The following LRRC4C variants were observed in gnomAD, a reference collection of about 807,000 sequenced individuals.
The protein encoded by LRRC4C is leucine rich repeat containing 4C.
Under a neutral mutation model 33.6 loss-of-function variants are expected in LRRC4C, and 5 were observed. The observed-to-expected ratio is 0.15, with a 90% CI of 0.08 to 0.31. The LOEUF (loss-of-function observed/expected upper bound fraction) is 0.31, where lower values mean the gene tolerates loss of function less well. Ranked by LOEUF, LRRC4C falls within the 10% of genes least tolerant of loss-of-function variation. The pLI is 1.00. For synonymous variants in LRRC4C, 329 were observed against 302.0 expected (o/e 1.09, Z -0.93); for missense variants, 560 against 796.7 (o/e 0.70, Z 3.58).
intron 1 of LRRC4C, among the ~76,000 whole-genome samples, chr11:41,119,925 CA>C (rs1175510363): frequency 6.6e-6 from 1 of 152,110 alleles, no homozygotes; most frequent in African/African-American, 2.4e-5. Context: ...TAGGATTACA[CA>C]GAAACTTTTA....
intron 3 of LRRC4C, among the ~76,000 whole-genome samples, chr11:40,434,992 A>G (rs999251630): frequency 2.0e-5 from 3 of 152,172 alleles, no homozygotes; most frequent in Non-Finnish European, 2.9e-5. Context: ...TGCTGAAAAA[A>G]AATCAACATA....
intron 2 of LRRC4C, among the ~76,000 whole-genome samples, chr11:40,905,105 C>T (rs1024290202): frequency 7.9e-5 from 12 of 152,126 alleles, no homozygotes; most frequent in African/African-American, 2.9e-4. Context: ...TATAGACATC[C>T]TCTCCAGCAG....
intron 3 of LRRC4C, among the ~76,000 whole-genome samples, chr11:40,459,398 A>G (rs75524815): frequency 0.041 from 6,183 of 149,516 alleles, 405 homozygotes; most frequent in African/African-American, 0.14. Context: ...TCTGTCAGCC[A>G]GCTTAAGGGT....
chr11:40,996,085 A>T (rs1347077414), intron 1 of LRRC4C, among the ~76,000 whole-genome samples: 1 of 152,148 alleles, frequency 6.6e-6, no homozygotes, highest in South Asian at 2.1e-4. Context: ...TGTGTTCATG[A>T]TTCTGAAGTA....
intron 3 of LRRC4C, among the ~76,000 whole-genome samples, chr11:40,448,787 T>C (rs527757017): frequency 6.6e-6 from 1 of 152,358 alleles, no homozygotes; most frequent in East Asian, 1.9e-4. Flanking sequence ...CTGGATCAAA[T>C]GGTATTTCTG....
At chr11:41,175,600 C>T (rs1163949717) in intron 1 of LRRC4C, among the ~76,000 whole-genome samples, 1 of 151,992 alleles carries the variant, frequency 6.6e-6, no homozygotes, top group Admixed American at 6.6e-5. Context: ...CAGAGCAATT[C>T]AATGGCCACC....
At chr11:41,076,118 A>G (rs1311625162) in intron 1 of LRRC4C, among the ~76,000 whole-genome samples, 1 of 152,104 alleles carries the variant, frequency 6.6e-6, no homozygotes, top group Non-Finnish European at 1.5e-5. Flanking sequence ...TTTAACTAGT[A>G]TCTATATTAT....
At position 41,332,107 on chromosome 11, in the gene LRRC4C, A is replaced by T. The variant is rs144660094; in HGVS notation, c.-496+127324T>A. On this transcript the variant is annotated intron_variant, in intron 1 of 6. Transcript: ENST00000528697. ...CACTGCCATAACCCCGGGACTTAGA[A>T]CAGTACCTTTCACAGAGTCGAAGCT... is the stretch of plus-strand genomic sequence containing the variant. Among the ~76,000 whole-genome samples, 1,340 of 152,288 alleles carry T rather than the reference A, an allele frequency of 8.8e-3. 8 individuals carry two copies. Among genetic ancestry groups the T allele is most frequent in the Admixed American group, 0.015 (226 of 15,274 alleles).
chr11:40,741,959 A>G (rs1948176366), intron 2 of LRRC4C, among the ~76,000 whole-genome samples: 1 of 152,076 alleles, frequency 6.6e-6, no homozygotes, highest in Admixed American at 6.6e-5. Flanking sequence ...TCTGTAGTTT[A>G]GGATTTCATC....
intron 3 of LRRC4C, among the ~76,000 whole-genome samples, chr11:40,414,243 G>A (rs887890599): frequency 6.6e-6 from 1 of 152,180 alleles, no homozygotes; most frequent in Admixed American, 6.5e-5. Flanking sequence ...CACTAGGAAC[G>A]AGAGGATTGG....
At chr11:40,194,661 C>G (rs1372115975) in intron 5 of LRRC4C, among the ~76,000 whole-genome samples, 1 of 152,018 alleles carries the variant, frequency 6.6e-6, no homozygotes, top group East Asian at 1.9e-4. Context: ...AGGAGAAATA[C>G]CTAATGTAGA....
At chr11:40,788,951 G>A (rs551602248) in intron 2 of LRRC4C, among the ~76,000 whole-genome samples, 1 of 152,132 alleles carries the variant, frequency 6.6e-6, no homozygotes, top group African/African-American at 2.4e-5. Flanking sequence ...AAATTAGCTG[G>A]GCATGGTAGC....
chr11:41,316,382 T>C (rs1163403915), intron 1 of LRRC4C, among the ~76,000 whole-genome samples: 1 of 152,002 alleles, frequency 6.6e-6, no homozygotes, highest in African/African-American at 2.4e-5. Flanking sequence ...TTCACAATTA[T>C]GAGAGCAAGG....
intron 4 of LRRC4C, among the ~76,000 whole-genome samples, chr11:40,319,162 T>C (rs1314057465): frequency 6.6e-6 from 1 of 152,236 alleles, no homozygotes; most frequent in Non-Finnish European, 1.5e-5. Flanking sequence ...ATAGCAGCTC[T>C]TCTGTCCTCT....
At chr11:41,356,897 C>G (rs1011091859) in intron 1 of LRRC4C, among the ~76,000 whole-genome samples, 1 of 152,064 alleles carries the variant, frequency 6.6e-6, no homozygotes, top group Admixed American at 6.6e-5. Context: ...AAAGAGAAAG[C>G]ATCTGGCCAA....
chr11:40,583,895 G>T (rs1315146139), intron 3 of LRRC4C, among the ~76,000 whole-genome samples: 1 of 151,590 alleles, frequency 6.6e-6, no homozygotes, highest in South Asian at 2.1e-4. Flanking sequence ...TTTAAGGCAG[G>T]AAGAATGACA....
intron 2 of LRRC4C, among the ~76,000 whole-genome samples, chr11:40,689,578 A>G (rs1945128568): frequency 6.6e-6 from 1 of 152,068 alleles, no homozygotes. Flanking sequence ...TGATTTATCC[A>G]TTTTCCGAAA....
intron 3 of LRRC4C, among the ~76,000 whole-genome samples, chr11:40,414,106 T>C (rs1219357354): frequency 6.6e-6 from 1 of 152,134 alleles, no homozygotes; most frequent in Non-Finnish European, 1.5e-5. Flanking sequence ...CTTTTATGGC[T>C]AAAAGATGAT....
intron 3 of LRRC4C, among the ~76,000 whole-genome samples, chr11:40,468,374 G>T (rs139116548): frequency 5.9e-5 from 9 of 152,294 alleles, no homozygotes; most frequent in African/African-American, 2.2e-4. Context: ...CTGTTAGGCA[G>T]ATCTTAGTAT....
Sources: allele counts gnomAD v4.1 joint callset (sites outside exome capture counted in the v4.1 genomes callset), GRCh38; gene constraint gnomAD v4.1.1; transcripts MANE v1.5; gene names NCBI Gene and HGNC (gene_info 2026-07-23, HGNC 2026-07-21).